Variants in TRIO observed in about 807,000 individuals in gnomAD.
The protein encoded by TRIO is trio Rho guanine nucleotide exchange factor.
In TRIO, 58 loss-of-function variants were observed where a neutral mutation model predicts 351.9. That is an observed-to-expected ratio of 0.16 (90% CI 0.13 to 0.21). The LOEUF is 0.21. Among genes scored for constraint, TRIO ranks in the 10% least tolerant of loss-of-function variants. The pLI is 1.00. For synonymous variants in TRIO, 1,758 were observed against 1,595.7 expected, an observed-to-expected ratio of 1.10 and a Z score of -2.42; for missense variants, 3,201 against 4,027.8, an observed-to-expected ratio of 0.79 and a Z score of 5.56.
At chr5:14,325,533 G>A (rs1337974286) in intron 9 of TRIO, among the ~76,000 whole-genome samples, 2 of 152,148 alleles carry the variant, frequency 1.3e-5, no homozygotes, top group East Asian at 1.9e-4. Context: ...CCCTTGAGGT[G>A]GTATCAGGCC....
At chr5:14,246,912 C>T (rs1055884066) in intron 1 of TRIO, among the ~76,000 whole-genome samples, 6 of 152,234 alleles carry the variant, frequency 3.9e-5, no homozygotes, top group African/African-American at 9.6e-5. Context: ...CTTCAGAGTG[C>T]ACCCTGGAGG....
chr5:14,177,919 A>G (rs974264790), intron 1 of TRIO, among the ~76,000 whole-genome samples: 2 of 152,236 alleles, frequency 1.3e-5, no homozygotes, highest in African/African-American at 4.8e-5. Context: ...CTCTGTTTCT[A>G]ATGCACTGCA....
intron 46 of TRIO, among the ~76,000 whole-genome samples, chr5:14,484,606 TGTG>T (rs1755777765): frequency 6.6e-6 from 1 of 152,232 alleles, no homozygotes; most frequent in Admixed American, 6.5e-5. Context: ...AATTTTTTGT[TGTG>T]GTAAAATACA....
intron 49 of TRIO, 134 bp downstream of exon 49, chr5:14,492,948 T>C: frequency 7.3e-7 from 1 of 1,367,388 alleles, no homozygotes; most frequent in Non-Finnish European, 9.8e-7. Context: ...CAGGCTCAGC[T>C]CTGAGCACGT....
chr5:14,391,437 A>G (rs1747076449), intron 27 of TRIO, among the ~76,000 whole-genome samples: 2 of 152,228 alleles, frequency 1.3e-5, no homozygotes, highest in South Asian at 4.1e-4. Flanking sequence ...CGAATTTTCA[A>G]AAACAACCTA....
intron 13 of TRIO, among the ~76,000 whole-genome samples, chr5:14,360,246 G>T (rs754195140): frequency 2.0e-5 from 3 of 152,198 alleles, no homozygotes; most frequent in Non-Finnish European, 4.4e-5. Context: ...GAATTTACAG[G>T]TGTCTTTTAT....
At chr5:14,441,933 A>T (rs920797747) in intron 34 of TRIO, among the ~76,000 whole-genome samples, 1 of 152,232 alleles carries the variant, frequency 6.6e-6, no homozygotes, top group African/African-American at 2.4e-5. Flanking sequence ...TAGGGAAAAG[A>T]CGTGAAGATG....
chr5:14,493,292 C>T (rs936845224), intron 49 of TRIO, among the ~76,000 whole-genome samples: 2 of 151,744 alleles, frequency 1.3e-5, no homozygotes, highest in African/African-American at 4.9e-5. Context: ...CTTTAATGTG[C>T]TTTGAAGACA....
chr5:14,318,507 C>T (rs1398175130), intron 9 of TRIO, among the ~76,000 whole-genome samples: 1 of 150,040 alleles, frequency 6.7e-6, no homozygotes, highest in African/African-American at 2.4e-5. Flanking sequence ...TTTTCATATA[C>T]CGTGCTTTGA....
chr5:14,437,374 G>C (rs1451977213), intron 34 of TRIO, among the ~76,000 whole-genome samples: 1 of 152,042 alleles, frequency 6.6e-6, no homozygotes, highest in Non-Finnish European at 1.5e-5. Flanking sequence ...CACCCACCTC[G>C]GGGTGATGTT....
At chr5:14,281,424 A>ACCCCCCCCCCCC (rs3061076) in intron 3 of TRIO, among the ~76,000 whole-genome samples, 19 of 89,396 alleles carry the variant, frequency 2.1e-4, no homozygotes, top group South Asian at 5.4e-4. Context: ...AGCCGTTAGA[A>ACCCCCCCCCCCC]CCCCCCCCCC....
At chr5:14,264,203 GATT>G (rs1795517571) in intron 1 of TRIO, among the ~76,000 whole-genome samples, 1 of 151,628 alleles carries the variant, frequency 6.6e-6, no homozygotes, top group Non-Finnish European at 1.5e-5. Context: ...TGGTCTTTTT[GATT>G]ATTTTGGTTT....
intron 1 of TRIO, among the ~76,000 whole-genome samples, chr5:14,219,459 G>A (rs141839308): frequency 9.2e-5 from 14 of 152,298 alleles, no homozygotes; most frequent in African/African-American, 3.1e-4. Flanking sequence ...TTACCAACCC[G>A]TGTGGGAATG....
At chr5:14,322,909 G>A (rs1328966569) in intron 9 of TRIO, among the ~76,000 whole-genome samples, 1 of 152,308 alleles carries the variant, frequency 6.6e-6, no homozygotes, top group East Asian at 1.9e-4. Flanking sequence ...ACTGGGCGCA[G>A]GTAGAGGCCA....
chr5:14,246,399 C>G (rs1010846269), intron 1 of TRIO, among the ~76,000 whole-genome samples: 2 of 152,190 alleles, frequency 1.3e-5, no homozygotes, highest in African/African-American at 4.8e-5. Context: ...AGTCACATAA[C>G]CTCTTTACTG....
intron 1 of TRIO, among the ~76,000 whole-genome samples, chr5:14,252,739 C>T (rs376881276): frequency 6.6e-5 from 10 of 152,306 alleles, no homozygotes; most frequent in African/African-American, 1.9e-4. Context: ...GGGCATCATC[C>T]CTCTGAGGCA....
At chr5:14,213,702 A>G (rs983023498) in intron 1 of TRIO, among the ~76,000 whole-genome samples, 5 of 152,226 alleles carry the variant, frequency 3.3e-5, no homozygotes, top group African/African-American at 1.2e-4. Flanking sequence ...TTTTGTAAAC[A>G]TCTATGAGCA....
intron 13 of TRIO, 66 bp downstream of exon 13, chr5:14,359,597 G>A (rs373639952): frequency 1.1e-5 from 18 of 1,565,812 alleles, no homozygotes; most frequent in African/African-American, 5.4e-5. Context: ...CAGCACCGGC[G>A]CCCTCTTGTC....
intron 53 of TRIO, among the ~76,000 whole-genome samples, chr5:14,502,275 T>A (rs571646100): frequency 2.0e-5 from 3 of 152,174 alleles, no homozygotes; most frequent in Non-Finnish European, 4.4e-5. Context: ...ATTTTAAAAA[T>A]AAAAGTAAAA....
Sources: gnomAD v4.1 joint callset for allele counts (sites outside exome capture counted in the v4.1 genomes callset) on GRCh38, gnomAD v4.1.1 for gene constraint, MANE v1.5 for transcripts, NCBI Gene and HGNC (gene_info 2026-07-23, HGNC 2026-07-21) for gene names.